The following EVI5 variants were observed in gnomAD, a reference collection of about 807,000 sequenced individuals.
The protein encoded by EVI5 is ecotropic viral integration site 5 protein homolog.
In EVI5, 73 loss-of-function variants were observed where a neutral mutation model predicts 112.0. The observed-to-expected ratio is 0.65, with a 90% CI of 0.54 to 0.79. The LOEUF (loss-of-function observed/expected upper bound fraction) is 0.79. Ranked by LOEUF, EVI5 falls within the 30% of genes least tolerant of loss-of-function variation. The pLI, the probability that EVI5 is intolerant of heterozygous loss-of-function variation, is 0.00. For synonymous variants in EVI5, 305 were observed against 319.9 expected (o/e 0.95, Z 0.50); for missense variants, 900 against 968.8 (o/e 0.93, Z 0.94).
intron 16 of EVI5, among the ~76,000 whole-genome samples, chr1:92,614,659 A>G (rs1652618737): frequency 6.6e-6 from 1 of 151,818 alleles, no homozygotes; most frequent in African/African-American, 2.4e-5. Context: ...CTCAAACATC[A>G]GACTCCAGGC....
intron 18 of EVI5, among the ~76,000 whole-genome samples, chr1:92,594,536 C>A (rs1240300343): frequency 1.3e-5 from 2 of 150,408 alleles, no homozygotes; most frequent in Non-Finnish European, 3.0e-5. Context: ...ACACCAAAAG[C>A]AATGGCAACA....
intron 19 of EVI5, among the ~76,000 whole-genome samples, chr1:92,553,058 T>C (rs1667181386): frequency 6.6e-6 from 1 of 152,146 alleles, no homozygotes; most frequent in African/African-American, 2.4e-5. Flanking sequence ...AATTATACTT[T>C]ATGAATATAA....
intron 14 of EVI5, among the ~76,000 whole-genome samples, chr1:92,635,323 C>A (rs757572585): frequency 1.3e-5 from 2 of 152,218 alleles, no homozygotes; most frequent in Non-Finnish European, 2.9e-5. Context: ...GCAGTGGGCT[C>A]CACCCAGTTG....
At chr1:92,596,761 C>A (rs902111201) in intron 18 of EVI5, among the ~76,000 whole-genome samples, 4 of 152,016 alleles carry the variant, frequency 2.6e-5, no homozygotes, top group Non-Finnish European at 4.4e-5. Context: ...CACCTGGCCC[C>A]AAGATAATTC....
At chr1:92,769,245 TAC>T (rs2103031296) in intron 1 of EVI5, among the ~76,000 whole-genome samples, 1 of 152,348 alleles carries the variant, frequency 6.6e-6, no homozygotes, top group South Asian at 2.1e-4. Flanking sequence ...GAAGTCCAAG[TAC>T]TCTGTAATCT....
rs1242849198 is a variant in EVI5 at position 92,693,838 on chromosome 1, G to A, written c.1061C>T (p.Ala354Val). 5.0e-6 allele frequency: 8 copies of A among 1,605,682 alleles called. No individual in the cohort carries two copies. Among genetic ancestry groups the A allele is most frequent in the Admixed American group, 1.7e-5 (1 of 59,888 alleles). The change falls in exon 9 of 20, where the codon GCT becomes GTT. Residue 354 changes from alanine (A) to valine (V), a missense_variant. Physicochemically the swap from Ala to Val is moderately conservative, Grantham distance 64. Transcript: ENST00000684568. The part of the protein sequence containing the change: ...DGVPDKLIQA[A>V]YQVKYNSKKM... ...TTTTGAATTGTATTTGACTTGGTAA[G>A]CTGCTTGGATTAGCTTGTCTGGGAC...
intron 15 of EVI5, among the ~76,000 whole-genome samples, chr1:92,625,301 T>C (rs1003211724): frequency 1.3e-5 from 2 of 152,188 alleles, no homozygotes; most frequent in African/African-American, 2.4e-5. Context: ...TCGGTCCTTA[T>C]ATAGAATATG....
At chr1:92,595,237 A>T (rs1009240086) in intron 18 of EVI5, among the ~76,000 whole-genome samples, 2 of 151,958 alleles carry the variant, frequency 1.3e-5, no homozygotes, top group African/African-American at 4.8e-5. Context: ...ATGCAGCCAT[A>T]AAAAAGGATG....
chr1:92,588,544 A>T (rs1339102570), intron 18 of EVI5, among the ~76,000 whole-genome samples: 2 of 152,174 alleles, frequency 1.3e-5, no homozygotes, highest in African/African-American at 4.8e-5. Context: ...CATCCCTAAT[A>T]CCAATATCTT....
At chr1:92,745,023 C>T (rs1187235901) in intron 1 of EVI5, among the ~76,000 whole-genome samples, 2 of 151,786 alleles carry the variant, frequency 1.3e-5, no homozygotes, top group South Asian at 2.1e-4. Context: ...CTCAACCTCC[C>T]AAGCTCAAGC....
At chr1:92,590,468 G>T (rs975524129) in intron 18 of EVI5, among the ~76,000 whole-genome samples, 1 of 152,166 alleles carries the variant, frequency 6.6e-6, no homozygotes, top group Admixed American at 6.5e-5. Flanking sequence ...CGTGATGAAC[G>T]CACAAGCCTC....
chr1:92,728,777 G>A (rs1208462886), intron 2 of EVI5, among the ~76,000 whole-genome samples: 1 of 152,148 alleles, frequency 6.6e-6, no homozygotes, highest in Admixed American at 6.5e-5. Context: ...GTTTTAAATT[G>A]TGTACCATTC....
chr1:92,789,490 A>G (rs370824700), upstream of EVI5, among the ~76,000 whole-genome samples: 23 of 151,968 alleles, frequency 1.5e-4, no homozygotes, highest in African/African-American at 5.3e-4. Context: ...TTTTAGTAGA[A>G]ACGGGGTTTC....
chr1:92,757,470 T>C (rs1681120265), intron 1 of EVI5, among the ~76,000 whole-genome samples: 1 of 152,072 alleles, frequency 6.6e-6, no homozygotes, highest in Admixed American at 6.5e-5. Context: ...TTTAAAGTCA[T>C]GAATTCCTAT....
rs771877448 is a variant in EVI5 at position 92,703,508 on chromosome 1, T to C, written c.451A>G (p.Thr151Ala). ...CGGATCAATTTTTCACAAGGCGAGGTCATTTTCAGGAGTTCTGAATACTGA... is the reference window on the plus strand; with the variant it reads ...CGGATCAATTTTTCACAAGGCGAGGCCATTTTCAGGAGTTCTGAATACTGA... ...KDQYSELLKM[T>A]SPCEKLIRRD... Residue 151 changes from threonine (T) to alanine (A), a missense_variant, in exon 4 of 20, where the codon ACC (threonine) becomes GCC (alanine). By Grantham distance (58) the Thr-to-Ala change is moderately conservative. Coordinates refer to ENST00000684568, the MANE Select transcript of EVI5 (RefSeq NM_001350197.2). The C allele has an allele frequency of 4.4e-6, 7 of 1,599,802 alleles. No individual in the cohort carries two copies. The highest frequency in any genetic ancestry group is 1.7e-4 in the Middle Eastern group (1 of 6,024).
intron 14 of EVI5, among the ~76,000 whole-genome samples, chr1:92,629,583 G>A (rs779356982): frequency 1.1e-4 from 16 of 152,118 alleles, no homozygotes; most frequent in African/African-American, 3.9e-4. Context: ...AGGCTAAAAG[G>A]AACTTCCTAC....
intron 1 of EVI5, among the ~76,000 whole-genome samples, chr1:92,770,738 C>A (rs971717793): frequency 2.8e-4 from 43 of 151,480 alleles, no homozygotes; most frequent in African/African-American, 9.7e-4. Context: ...TGCAGTGAGC[C>A]GAAATCGCGC....
intron 17 of EVI5, among the ~76,000 whole-genome samples, chr1:92,606,496 T>C (rs1650417045): frequency 1.3e-5 from 2 of 152,362 alleles, no homozygotes; most frequent in South Asian, 2.1e-4. Flanking sequence ...AATATTATTT[T>C]ATTTATAGTT....
At chr1:92,550,774 AAAAAAAAAT>A (rs1375597430) in intron 19 of EVI5, among the ~76,000 whole-genome samples, 25 of 68,202 alleles carry the variant, frequency 3.7e-4, no homozygotes, top group African/African-American at 1.7e-3. Context: ...AAAAAAAAAA[AAAAAAAAAT>A]ATATATATAT....
Sources: allele counts gnomAD v4.1 joint callset (sites outside exome capture counted in the v4.1 genomes callset), GRCh38; gene constraint gnomAD v4.1.1; transcripts MANE v1.5; gene names NCBI Gene and HGNC (gene_info 2026-07-23, HGNC 2026-07-21).